GPM6B: variants seen among roughly 807,000 people sequenced by gnomAD.
The protein encoded by GPM6B is neuronal membrane glycoprotein M6-b.
Under a neutral mutation model 27.2 loss-of-function variants are expected in GPM6B, and 4 were observed. That is an observed-to-expected ratio of 0.15 (90% confidence interval 0.07 to 0.34). The LOEUF (loss-of-function observed/expected upper bound fraction) is 0.34, where lower values mean the gene tolerates loss of function less well. Ranked by LOEUF, GPM6B falls within the 10% of genes least tolerant of loss-of-function variation. The probability of loss-of-function intolerance (pLI) is 1.00; values close to 1 mark genes in which losing one functional copy is unlikely to be tolerated. For synonymous variants in GPM6B, 124 were observed against 103.1 expected, an observed-to-expected ratio of 1.20 and a Z score of -1.23; for missense variants, 183 against 261.9, an observed-to-expected ratio of 0.70 and a Z score of 2.08.
chrX:13,833,344 C>A (rs757515096), intron 1 of GPM6B, among the ~76,000 whole-genome samples: 57 of 110,677 alleles, frequency 5.2e-4, no homozygotes, highest in African/African-American at 1.7e-3. Context: ...GCTGACCTCA[C>A]AAGCTATTTG....
intron 1 of GPM6B, among the ~76,000 whole-genome samples, chrX:13,833,218 T>G (rs1036212220): frequency 2.7e-5 from 3 of 111,812 alleles, no homozygotes; most frequent in South Asian, 3.8e-4. Flanking sequence ...CAGTTTTAAT[T>G]TATCCTGTAA....
At chrX:13,909,539 T>C (rs763628389) in intron 1 of GPM6B, among the ~76,000 whole-genome samples, 34 of 110,692 alleles carry the variant, frequency 3.1e-4, no homozygotes, top group African/African-American at 1.0e-3. Context: ...GACAGGCTTA[T>C]TACAAGGATG....
intron 1 of GPM6B, among the ~76,000 whole-genome samples, chrX:13,879,087 C>T (rs1322597460): frequency 1.8e-5 from 2 of 112,014 alleles, no homozygotes; most frequent in East Asian, 2.8e-4. Context: ...TGTCTTAGAG[C>T]GGCCACAGGA....
chrX:13,799,383 T>C (rs2048877705), intron 2 of GPM6B, among the ~76,000 whole-genome samples: 1 of 95,200 alleles, frequency 1.1e-5, no homozygotes, highest in African/African-American at 3.8e-5. Context: ...CGGCTGATTT[T>C]TGTATTATTA....
At chrX:13,861,589 C>T (rs1603090355) in intron 1 of GPM6B, among the ~76,000 whole-genome samples, 1 of 111,750 alleles carries the variant, frequency 8.9e-6, no homozygotes, top group African/African-American at 3.3e-5. Flanking sequence ...TTGGCAATCA[C>T]GATAAATATT....
rs187468578 is a variant in GPM6B at position 13,850,852 on chromosome X, A to C, written c.-197-65044T>G. 2.7e-3 allele frequency among the ~76,000 whole-genome samples: 303 copies of C among 111,741 alleles called. 2 individuals carry two copies. The highest frequency in any genetic ancestry group is 9.4e-3 in the African/African-American group (288 of 30,732). Reference sequence around the variant, plus strand: ...TTACCAATAAATTAAAACTATATTGAACTCACTTCTTTGAAAAAAAGTTAA... The same window carrying C: ...TTACCAATAAATTAAAACTATATTGCACTCACTTCTTTGAAAAAAAGTTAA... On this transcript the variant is annotated intron_variant, in intron 1 of 6. Transcript: ENST00000398361.
chrX:13,821,740 G>A (rs2049309829), upstream of GPM6B, among the ~76,000 whole-genome samples: 1 of 111,251 alleles, frequency 9.0e-6, no homozygotes, highest in Non-Finnish European at 1.9e-5. Context: ...GGGATTACAG[G>A]CATGCACCAC....
intron 1 of GPM6B, among the ~76,000 whole-genome samples, chrX:13,851,438 C>T (rs749453384): frequency 6.3e-5 from 7 of 111,252 alleles, no homozygotes; most frequent in African/African-American, 1.6e-4. Flanking sequence ...ACACCTTACA[C>T]GCTGCCTGAC....
intron 6 of GPM6B, among the ~76,000 whole-genome samples, chrX:13,777,102 T>C (rs998627913): frequency 1.8e-5 from 2 of 111,556 alleles, no homozygotes; most frequent in East Asian, 2.8e-4. Context: ...CTCTAAATTA[T>C]TGCCCAAAGG....
rs758205772 is a variant in GPM6B, at chrX:13,774,770, A to G, written c.837+1468T>C. 4.4e-5 allele frequency: 20 copies of G among 450,376 alleles called. No individual in the cohort carries two copies. The South Asian group carries it at 4.8e-4, about 11-fold the overall frequency. The allele number at this position is 450,376 out of a possible 1,213,427, so 37.1% of individuals were successfully genotyped here. ...TAAAATCACAACAGACAATTTTCCT[A>G]TCTAGCACACACAAACTTTTTCTCA... On this transcript the variant is annotated intron_variant, in intron 7 of 7. Coordinates refer to ENST00000316715, the MANE Select transcript of GPM6B (RefSeq NM_001001995.3).
At chrX:13,938,489 G>C (rs777556177), upstream of GPM6B, 130 of 944,663 alleles carry the variant, frequency 1.4e-4, no homozygotes, top group Non-Finnish European at 1.7e-4. Flanking sequence ...GTGGCGCGCA[G>C]CCAGCGCGCT....
In GPM6B at chrX:13,857,179, CCTTAA is replaced by C. The variant is rs1227943729; in HGVS notation, c.-197-71376_-197-71372del. 3.6e-4 allele frequency among the ~76,000 whole-genome samples: 40 copies of C among 111,260 alleles called. 1 individual carries two copies. The highest frequency in any genetic ancestry group is 1.6e-4 in the African/African-American group (5 of 30,546). ...CAGAGTAATCTCCCCATTTTGAGATCCTTAACTTAATCACATCTGCAAAGTCTCTT... is the reference window on the plus strand; with the variant it reads ...CAGAGTAATCTCCCCATTTTGAGATCCTTAATCACATCTGCAAAGTCTCTT... On this transcript the variant is annotated intron_variant, in intron 1 of 6. Transcript: ENST00000398361.
intron 1 of GPM6B, among the ~76,000 whole-genome samples, chrX:13,848,804 C>G (rs1249363443): frequency 8.9e-6 from 1 of 112,464 alleles, no homozygotes; most frequent in East Asian, 2.8e-4. Flanking sequence ...TTCACAGAAT[C>G]TAAGCATCCA....
At chrX:13,855,355 T>C (rs1400320177) in intron 1 of GPM6B, among the ~76,000 whole-genome samples, 1 of 112,232 alleles carries the variant, frequency 8.9e-6, no homozygotes, top group Non-Finnish European at 1.9e-5. Context: ...TTTGCTCAGT[T>C]TCGACTTTTA....
intron 1 of GPM6B, among the ~76,000 whole-genome samples, chrX:13,852,014 A>G (rs2049723912): frequency 9.0e-6 from 1 of 110,678 alleles, no homozygotes. Flanking sequence ...TCAAATTCCA[A>G]TCCATCCTGA....
intron 1 of GPM6B, among the ~76,000 whole-genome samples, chrX:13,823,961 G>A (rs747462969): frequency 4.4e-5 from 5 of 112,443 alleles, no homozygotes; most frequent in Admixed American, 2.8e-4. Flanking sequence ...GCAGTACTGC[G>A]GCATGAGGGG....
intron 1 of GPM6B, among the ~76,000 whole-genome samples, chrX:13,809,102 AT>A (rs1284527746): frequency 1.8e-5 from 2 of 111,647 alleles, no homozygotes; most frequent in Non-Finnish European, 3.8e-5. Context: ...TACTTATTAC[AT>A]TTGTCACAAC....
chrX:13,885,032 T>C (rs2050121777), intron 1 of GPM6B, among the ~76,000 whole-genome samples: 1 of 111,909 alleles, frequency 8.9e-6, no homozygotes, highest in African/African-American at 3.2e-5. Flanking sequence ...ATATTCTTCA[T>C]ATGTCACCTC....
At chrX:13,821,672 C>T (rs779711641), upstream of GPM6B, among the ~76,000 whole-genome samples, 1 of 111,969 alleles carries the variant, frequency 8.9e-6, no homozygotes, top group Non-Finnish European at 1.9e-5. Context: ...TCTCGGCTCA[C>T]TGCAACCTCC....
Sources: allele counts gnomAD v4.1 joint callset (sites outside exome capture counted in the v4.1 genomes callset), GRCh38; gene constraint gnomAD v4.1.1; transcripts MANE v1.5; gene names NCBI Gene and HGNC (gene_info 2026-07-23, HGNC 2026-07-21).